Variants in IDI2 observed in about 807,000 individuals in gnomAD.
The protein encoded by IDI2 is isopentenyl-diphosphate delta isomerase 2, also known as isopentenyl-diphosphate delta-isomerase 2.
A neutral mutation model predicts 14.8 loss-of-function variants in IDI2; 18 were observed. The observed-to-expected ratio is 1.22, with a 90% CI of 0.84 to 1.80. The LOEUF (loss-of-function observed/expected upper bound fraction) is 1.80, where lower values mean the gene tolerates loss of function less well. IDI2 is among the 40% of genes most tolerant of loss of function. The pLI, the probability that IDI2 is intolerant of heterozygous loss-of-function variation, is 0.00. For synonymous variants in IDI2, 133 were observed against 109.6 expected (o/e 1.21, Z -1.33); for missense variants, 316 against 283.2 (o/e 1.12, Z -0.83).
At position 1,019,751 on chromosome 10, in the gene IDI2, A is replaced by G; in HGVS notation, c.450T>C (p.Cys150=). 6.2e-7 allele frequency: 1 copy of G among 1,614,042 alleles called. No homozygotes were observed. Among genetic ancestry groups the G allele is most frequent in the Non-Finnish European group, 8.5e-7 (1 of 1,180,008 alleles). Residue 150 remains cysteine (C), a synonymous_variant, in exon 5 of 5, where the codon TGT becomes TGC. Coordinates refer to ENST00000277517, the MANE Select transcript of IDI2 (RefSeq NM_033261.3). ...CGTTTTTCCTCACAAGCAGAAGGTA[A>G]CAAATTTCATGCTCTCCCCAAATTC... ...SDRIWGEHEI[C]YLLLVRKNVT...
chr10:1,024,462 A>G, intron 2 of IDI2, 120 bp downstream of exon 2: 1 of 1,053,938 alleles, frequency 9.5e-7, no homozygotes, highest in Non-Finnish European at 1.4e-6. Context: ...CAGCAAGCAC[A>G]CAGGTGACCC....
At chr10:1,020,322 C>T (rs11595690) in intron 4 of IDI2, among the ~76,000 whole-genome samples, 40,722 of 151,808 alleles carry the variant, frequency 0.27, 5,748 homozygotes, top group African/African-American at 0.3. Context: ...TCCCAAGTAG[C>T]TGGGATTACA....
Position 1,020,792 on chromosome 10 carries a change from G to A in IDI2, c.341C>T (p.Ala114Val). ...CTGCTCCCCAGGAATTCCCAGCTCT[G>A]CTTGCAGACGCCTCTGGGCTGCCCT... ...VRRAAQRRLQAELGIPGEQIS... is the reference protein window; with the variant it reads ...VRRAAQRRLQVELGIPGEQIS... The change falls in exon 4 of 5, where the codon GCA becomes GTA. Residue 114 changes from alanine (A) to valine (V), a missense_variant. Transcript: ENST00000277517. 6.2e-7 allele frequency: 1 copy of A among 1,613,180 alleles called. No individual in the cohort carries two copies. Among genetic ancestry groups the A allele is most frequent in the African/African-American group, 1.3e-5 (1 of 74,980 alleles).
Position 1,019,210 on chromosome 10 carries a change from C to T in IDI2, c.*307G>A. 1 of 280,468 alleles carries T rather than the reference C, an allele frequency of 3.6e-6. No homozygotes were observed. Among genetic ancestry groups the T allele is most frequent in the Non-Finnish European group, 6.8e-6 (1 of 146,352 alleles). The allele number at this position is 280,468 out of a possible 1,614,324, so 17.4% of individuals were successfully genotyped here. Reference sequence around the variant, plus strand: ...GCTAGTCCGCCTGCTTCAGGACTCTCAAGATCTCCCCAAGACTTTCAGGAT... The same window carrying T: ...GCTAGTCCGCCTGCTTCAGGACTCTTAAGATCTCCCCAAGACTTTCAGGAT... On this transcript the variant is annotated 3_prime_UTR_variant, in exon 5 of 5. Coordinates refer to ENST00000277517, the MANE Select transcript of IDI2 (RefSeq NM_033261.3).
chr10:1,020,964 C>T, intron 3 of IDI2, 67 bp from the exon 4 acceptor site: 1 of 1,511,494 alleles, frequency 6.6e-7, no homozygotes, highest in Admixed American at 1.9e-5. Flanking sequence ...AATACAAATG[C>T]AGATGCTTCA....
chr10:1,020,227 C>CT (rs67920739), intron 4 of IDI2, among the ~76,000 whole-genome samples: 27,798 of 144,322 alleles, frequency 0.19, 2,665 homozygotes, highest in East Asian at 0.3. Context: ...GAATTTCTTT[C>CT]TTTTTTTTTT....
chr10:1,020,980 A>G, intron 3 of IDI2, 83 bp from the exon 4 acceptor site: 2 of 1,452,418 alleles, frequency 1.4e-6, no homozygotes, highest in South Asian at 2.6e-5. Context: ...CTTCATGTAA[A>G]ACCATCATCC....
At position 1,019,641 on chromosome 10, in the gene IDI2, G is replaced by T. The variant is rs752920216; in HGVS notation, c.560C>A (p.Ala187Glu). Residue 187 changes from alanine (A) to glutamate (E), a missense_variant, in exon 5 of 5, where the codon GCG (alanine) becomes GAG (glutamate). Transcript: ENST00000277517. ...EELWELLERE[A>E]RGEVKVTPWL... is the part of the protein sequence containing the mutation. The stretch of plus-strand genomic sequence containing the variant: ...GGGGGTGACTTTGACTTCACCCCTC[G>T]CCTCCCTCTCCAGCAGCTCCCACAG... 8 of 1,613,832 alleles carry T rather than the reference G, an allele frequency of 5.0e-6. No homozygotes were observed. In the Admixed American group the frequency reaches 8.3e-5, roughly 17 times the overall value.
At chr10:1,019,979 G>A (rs1832063323) in intron 4 of IDI2, 145 bp from the exon 5 acceptor site, 1 of 677,612 alleles carries the variant, frequency 1.5e-6, no homozygotes. Context: ...CTCGATTTTA[G>A]CTAAGTAAAT....
chr10:1,022,737 T>C lies in IDI2; in HGVS notation c.181A>G (p.Thr61Ala). Residue 61 changes from threonine to alanine, a missense_variant, in exon 3 of 5, where the codon ACC (threonine) becomes GCC (alanine). Physicochemically the swap from Thr to Ala is moderately conservative, Grantham distance 58. Coordinates refer to ENST00000277517, the MANE Select transcript of IDI2 (RefSeq NM_033261.3). ...HRAFSVVLFNTKNRILIQQRS... is the reference protein window; with the variant it reads ...HRAFSVVLFNAKNRILIQQRS... Reference sequence around the variant, plus strand: ...TGCTGTATCAGGATTCGATTCTTGGTGTTAAACAAGACAACGCTGAAGGCT... The same window carrying C: ...TGCTGTATCAGGATTCGATTCTTGGCGTTAAACAAGACAACGCTGAAGGCT... 6.2e-7 allele frequency: 1 copy of C among 1,614,190 alleles called. No homozygotes were observed. The highest frequency in any genetic ancestry group is 2.2e-5 in the East Asian group (1 of 44,884).
intron 4 of IDI2, 172 bp from the exon 5 acceptor site, chr10:1,020,006 C>CTGAA: frequency 1.6e-6 from 1 of 614,908 alleles, no homozygotes; most frequent in Non-Finnish European, 2.9e-6. Flanking sequence ...GGACTCAAGT[C>CTGAA]TGAATGATAA....
At position 1,019,864 on chromosome 10, in the gene IDI2, AACGCTAATGTAAAACACAGAATTT is replaced by A. The variant is rs747567628; in HGVS notation, c.367-54_367-31del. ...TGACAGAAATTGGTGCAGTGTTAAC[AACGCTAATGTAAAACACAGAATTT>A]ACAGAAAAATAGAGAAAATAAACAC... On this transcript the variant is annotated intron_variant, in intron 4 of 4. Coordinates refer to ENST00000277517, the MANE Select transcript of IDI2 (RefSeq NM_033261.3). 2.0e-6 allele frequency: 3 copies of A among 1,468,318 alleles called. No individual in the cohort carries two copies. The East Asian group carries it at 6.8e-5, about 33-fold the overall frequency. The allele number at this position is 1,468,318 out of a possible 1,614,324, so 91.0% of individuals were successfully genotyped here. A position where few individuals can be genotyped will look rare whatever the true frequency, so the allele number is the denominator to read the frequency against.
rs1037908098 is a variant in IDI2, at chr10:1,024,591, T to C, written c.133A>G (p.Ile45Val). ...TKRNCHLNEN[I>V]EKGLLHRAFS... ...AATGGGCGGGGGCTACCTTTCTCAA[T>C]GTTTTCGTTCAGATGGCAATTCCTC... is the stretch of plus-strand genomic sequence containing the variant. The change falls in exon 2 of 5, where the codon ATT becomes GTT. Residue 45 changes from isoleucine to valine, a missense_variant. Transcript: ENST00000277517. 6.2e-7 allele frequency: 1 copy of C among 1,613,918 alleles called. No homozygotes were observed. Among genetic ancestry groups the C allele is most frequent in the East Asian group, 2.2e-5 (1 of 44,888 alleles).
intron 2 of IDI2, among the ~76,000 whole-genome samples, 164 bp downstream of exon 2, chr10:1,024,418 C>G (rs1047455906): frequency 6.6e-6 from 1 of 152,178 alleles, no homozygotes; most frequent in African/African-American, 2.4e-5. Flanking sequence ...AGACGTCATC[C>G]AGGTGCTGCT....
At chr10:1,022,578 C>A in intron 3 of IDI2, 105 bp downstream of exon 3, 1 of 847,434 alleles carries the variant, frequency 1.2e-6, no homozygotes, top group South Asian at 1.4e-5. Context: ...GCTGCCAGCT[C>A]ACCACAGTGC....
chr10:1,024,793 C>T lies in IDI2; in HGVS notation c.-21-49G>A. 8.8e-6 allele frequency: 14 copies of T among 1,585,860 alleles called. No individual in the cohort carries two copies. In the South Asian group the frequency reaches 1.6e-4, roughly 18 times the overall value. ...CTCTTTATGTGAAAGATATTGCCAT[C>T]TCGTTTTTGCTATGTGTTACCAACC... On this transcript the variant is annotated intron_variant, in intron 1 of 4. Transcript: ENST00000277517.
At chr10:1,020,026 G>C (rs1276706240) in intron 4 of IDI2, 192 bp from the exon 5 acceptor site, 2 of 594,358 alleles carry the variant, frequency 3.4e-6, no homozygotes, top group Non-Finnish European at 6.0e-6. Flanking sequence ...AACCGGCTTT[G>C]GTTTCTTGGT....
chr10:1,025,030 A>G (rs866620897), intron 1 of IDI2, among the ~76,000 whole-genome samples: 20,017 of 149,680 alleles, frequency 0.13, 1,801 homozygotes, highest in Non-Finnish European at 0.2. Context: ...ACACACACAC[A>G]CACACACACA....
intron 3 of IDI2, among the ~76,000 whole-genome samples, chr10:1,021,328 G>A (rs1564474619): frequency 6.6e-6 from 1 of 152,264 alleles, no homozygotes. Context: ...CACTTTGAGG[G>A]TGGTGATCAG....
Sources: allele counts gnomAD v4.1 joint callset (sites outside exome capture counted in the v4.1 genomes callset), GRCh38; gene constraint gnomAD v4.1.1; transcripts MANE v1.5; gene names NCBI Gene and HGNC (gene_info 2026-07-23, HGNC 2026-07-21).